DGKD: variants seen among roughly 807,000 people sequenced by gnomAD.
DGKD encodes DAG kinase delta.
Under a neutral mutation model 154.4 loss-of-function variants are expected in DGKD, and 68 were observed. The ratio of observed to expected loss-of-function variants is 0.44; its 90% confidence interval spans 0.36 to 0.54. The LOEUF is 0.54. Among genes scored for constraint, DGKD ranks in the 20% least tolerant of loss-of-function variants. The pLI is 0.00. For synonymous variants in DGKD, 693 were observed against 638.0 expected, an observed-to-expected ratio of 1.09 and a Z score of -1.30; for missense variants, 1,343 against 1,593.6, an observed-to-expected ratio of 0.84 and a Z score of 2.68.
At chr2:233,454,271 G>T (rs547462220) in intron 18 of DGKD, 8 of 421,782 alleles carry the variant, frequency 1.9e-5, no homozygotes, top group South Asian at 1.2e-4. Flanking sequence ...GGTTAGCCAC[G>T]CAGTGGAGTA....
chr2:233,378,943 A>G (rs892540531), intron 1 of DGKD, among the ~76,000 whole-genome samples: 2 of 152,166 alleles, frequency 1.3e-5, no homozygotes, highest in African/African-American at 4.8e-5. Context: ...AGATGGGAGG[A>G]TCTCTTGAGC....
chr2:233,384,494 G>A (rs1347640199), intron 1 of DGKD, among the ~76,000 whole-genome samples: 2 of 152,132 alleles, frequency 1.3e-5, no homozygotes, highest in South Asian at 2.1e-4. Flanking sequence ...GCTGGCCGTC[G>A]CCTTACACTG....
At chr2:233,396,359 G>A (rs369510236) in intron 3 of DGKD, among the ~76,000 whole-genome samples, 36 of 152,230 alleles carry the variant, frequency 2.4e-4, no homozygotes, top group Middle Eastern at 6.8e-3. Context: ...GCTTTGTCTT[G>A]TTCTTTGGGA....
chr2:233,394,477 C>G (rs1703862180), intron 3 of DGKD, among the ~76,000 whole-genome samples: 1 of 151,970 alleles, frequency 6.6e-6, no homozygotes, highest in African/African-American at 2.4e-5. Flanking sequence ...CTCCTGGCAT[C>G]AAGTGATCCT....
At chr2:233,436,778 T>C (rs966778552) in intron 7 of DGKD, among the ~76,000 whole-genome samples, 3 of 152,242 alleles carry the variant, frequency 2.0e-5, no homozygotes, top group Non-Finnish European at 4.4e-5. Context: ...GCAGGAAAGC[T>C]GTAGAGGCCA....
chr2:233,379,207 G>T (rs141706112), intron 1 of DGKD, among the ~76,000 whole-genome samples: 1 of 152,178 alleles, frequency 6.6e-6, no homozygotes, highest in South Asian at 2.1e-4. Flanking sequence ...TGCCTTGGGG[G>T]AGTCTGGGAA....
In DGKD at chr2:233,471,710, T is replaced by C. The variant is rs931402527; in HGVS notation, c.*2250T>C. The C allele has an allele frequency of 2.1e-4, 32 of 152,528 alleles. No homozygotes were observed. The highest frequency in any genetic ancestry group is 7.2e-4 in the African/African-American group (30 of 41,600). The allele number at this position is 152,528 out of a possible 1,614,324, so 9.4% of individuals were successfully genotyped here. A position where few individuals can be genotyped will look rare whatever the true frequency, so the allele number is the denominator to read the frequency against. ...ACACTGTTTACATAAAAACCATTTT[T>C]CTAATTCTAACAAGTTAGAATGTGA... On this transcript the variant is annotated 3_prime_UTR_variant, in exon 30 of 30. Coordinates refer to ENST00000264057, the MANE Select transcript of DGKD (RefSeq NM_152879.3).
chr2:233,358,931 G>A (rs185823400), intron 1 of DGKD, among the ~76,000 whole-genome samples: 58 of 152,276 alleles, frequency 3.8e-4, no homozygotes, highest in African/African-American at 1.4e-3. Flanking sequence ...TGGAAGTGCT[G>A]GGCCATATGG....
chr2:233,447,424 C>T (rs770662235), intron 12 of DGKD: 188 of 965,500 alleles, frequency 1.9e-4, no homozygotes, highest in South Asian at 8.6e-4. Flanking sequence ...GCTAGGGCAA[C>T]GGTCAGCAAA....
At position 233,452,023 on chromosome 2, in the gene DGKD, A is replaced by C; in HGVS notation, c.2227A>C (p.Ile743Leu). ...TGGCTCAGTCATCAGTCGCCTGTTA[A>C]TTAATGCTGATCCCTTCAACTCTGA... Reference protein sequence around the residue: ...PGGSVISRLLINADPFNSEPE... With the variant: ...PGGSVISRLLLNADPFNSEPE... The change falls in exon 18 of 30, where the codon ATT becomes CTT. Residue 743 changes from isoleucine (I) to leucine (L), a missense_variant. By Grantham distance (5) the Ile-to-Leu change is conservative. Around this residue, in one of 6 missense-constraint regions of DGKD, gnomAD observed 409 missense variants for 446.0 expected, o/e 0.92. Transcript: ENST00000264057. This position sits in a 1 kb window ranked among gnomAD's most constrained non-coding sequence, Gnocchi z 4.0. 1 of 1,614,104 alleles carries C rather than the reference A, an allele frequency of 6.2e-7. No individual in the cohort carries two copies. Among genetic ancestry groups the C allele is most frequent in the Non-Finnish European group, 8.5e-7 (1 of 1,179,978 alleles).
chr2:233,411,336 A>G (rs1022643942), intron 3 of DGKD, among the ~76,000 whole-genome samples: 15 of 152,222 alleles, frequency 9.9e-5, no homozygotes, highest in African/African-American at 3.6e-4. Flanking sequence ...CAGTTGCTCC[A>G]CATCCTCACC....
chr2:233,454,535 A>G, intron 18 of DGKD: 1 of 525,072 alleles, frequency 1.9e-6, no homozygotes, highest in Non-Finnish European at 3.7e-6. Flanking sequence ...AATGCTCTAA[A>G]ATCGATTATC....
Position 233,438,753 on chromosome 2 carries a change from ATCATCTAT to A in DGKD, c.1085+375_1085+382del, listed in dbSNP as rs2062787991. Among the ~76,000 whole-genome samples the A allele has an allele frequency of 1.2e-5, 1 of 80,860 alleles. No homozygotes were observed. Among genetic ancestry groups the A allele is most frequent in the South Asian group, 4.0e-4 (1 of 2,524 alleles). The allele number at this position is 80,860 out of a possible 152,430, so 53.0% of individuals were successfully genotyped here. ...TAATTTTTTATTTATCTGTCTATCTATCATCTATCTATCTATCTATCTATCTATCTATC... is the reference window on the plus strand; with the variant it reads ...TAATTTTTTATTTATCTGTCTATCTACTATCTATCTATCTATCTATCTATC... On this transcript the variant is annotated intron_variant, in intron 9 of 29. Transcript: ENST00000264057. This position sits in a 1 kb window ranked among gnomAD's most constrained non-coding sequence, Gnocchi z 4.1.
chr2:233,455,914 T>C (rs2063445477), intron 19 of DGKD, among the ~76,000 whole-genome samples: 1 of 152,228 alleles, frequency 6.6e-6, no homozygotes, highest in African/African-American at 2.4e-5. Context: ...CAGGGACATA[T>C]CCCTGTACAG....
chr2:233,432,120 GGTGGCTCATGCCT>G (rs1018321647), intron 3 of DGKD, among the ~76,000 whole-genome samples: 146 of 144,274 alleles, frequency 1.0e-3, no homozygotes, highest in African/African-American at 4.2e-3. Flanking sequence ...TGCCAGGCGT[GGTGGCTCATGCCT>G]GTAATCCCAG....
chr2:233,451,151 G>C, intron 17 of DGKD, 101 bp downstream of exon 17: 1 of 1,235,686 alleles, frequency 8.1e-7, no homozygotes, highest in Non-Finnish European at 1.1e-6. Flanking sequence ...GAGTTTACAG[G>C]CCCCTGAGAA....
At position 233,436,492 on chromosome 2, in the gene DGKD, G is replaced by A. The variant is rs113206952; in HGVS notation, c.819+51G>A. ...TGGAGGGGAGGGCTTGCTCCCTACC[G>A]TGCCCATGCGGGCCTTGCGGCTCCG... On this transcript the variant is annotated intron_variant, in intron 7 of 29. Transcript: ENST00000264057. 699 of 1,585,348 alleles carry A rather than the reference G, an allele frequency of 4.4e-4. 1 individual carries two copies. The African/African-American group carries it at 7.6e-3, about 17-fold the overall frequency.
At position 233,438,146 on chromosome 2, in the gene DGKD, T is replaced by C; in HGVS notation, c.923-71T>C. 9 of 1,549,590 alleles carry C rather than the reference T, an allele frequency of 5.8e-6. No individual in the cohort carries two copies. The South Asian group carries it at 1.1e-4, about 19-fold the overall frequency. On this transcript the variant is annotated intron_variant, in intron 8 of 29. Coordinates refer to ENST00000264057, the MANE Select transcript of DGKD (RefSeq NM_152879.3). This position sits in a 1 kb window ranked among gnomAD's most constrained non-coding sequence, Gnocchi z 4.1. ...GTCCTTTGGGGGGGTCTGCTGCTGC[T>C]GATTCCATCAGTGGTGCCCTCAGCG...
rs545322947 is a variant in DGKD, at chr2:233,377,488, A to G, written c.157-10769A>G. On this transcript the variant is annotated intron_variant, in intron 1 of 29. Coordinates refer to ENST00000264057, the MANE Select transcript of DGKD (RefSeq NM_152879.3). ...AAAATATCTTCCACAATCCTTGTATAGTTATATGGTACTCCATATTTTGAA... is the reference window on the plus strand; with the variant it reads ...AAAATATCTTCCACAATCCTTGTATGGTTATATGGTACTCCATATTTTGAA... Among the ~76,000 whole-genome samples, 3 of 152,302 alleles carry G rather than the reference A, an allele frequency of 2.0e-5. No individual in the cohort carries two copies. The East Asian group carries it at 5.8e-4, about 29-fold the overall frequency.
Sources: gnomAD v4.1 joint callset for allele counts (sites outside exome capture counted in the v4.1 genomes callset) on GRCh38, gnomAD v4.1.1 for gene constraint, gnomAD v4.1.1 regional missense constraint, Gnocchi (gnomAD v3.1) non-coding constraint, MANE v1.5 for transcripts, NCBI Gene and HGNC (gene_info 2026-07-23, HGNC 2026-07-21) for gene names.